UNC5D: variants seen among roughly 807,000 people sequenced by gnomAD.
UNC5D encodes the protein unc-5 netrin receptor D, also known as netrin receptor UNC5D.
A neutral mutation model predicts 105.4 loss-of-function variants in UNC5D; 39 were observed. The ratio of observed to expected loss-of-function variants is 0.37; its 90% CI spans 0.29 to 0.48. The LOEUF is 0.48. Ranked by LOEUF, UNC5D falls within the 20% of genes least tolerant of loss-of-function variation. UNC5D has a pLI of 0.98. For synonymous variants in UNC5D, 452 were observed against 450.4 expected (o/e 1.00, Z -0.04); for missense variants, 991 against 1,202.4 (o/e 0.82, Z 2.60).
At chr8:35,305,811 TTCTC>T (rs1398737726) in intron 1 of UNC5D, among the ~76,000 whole-genome samples, 1 of 149,876 alleles carries the variant, frequency 6.7e-6, no homozygotes, top group Non-Finnish European at 1.5e-5. Flanking sequence ...TTTTCTTTCT[TTCTC>T]TCTTTTTCTT....
intron 1 of UNC5D, among the ~76,000 whole-genome samples, chr8:35,477,892 C>A (rs1810225971): frequency 6.6e-6 from 1 of 151,950 alleles, no homozygotes; most frequent in African/African-American, 2.4e-5. Flanking sequence ...TTTCTCAAAG[C>A]TACTGGTTAA....
chr8:35,384,151 C>A (rs542891685), intron 1 of UNC5D, among the ~76,000 whole-genome samples: 1 of 148,294 alleles, frequency 6.7e-6, no homozygotes, highest in Non-Finnish European at 1.5e-5. Flanking sequence ...ACCTGTGAGG[C>A]GGAGTTGCAG....
At chr8:35,236,715 G>A (rs1217083040) in intron 1 of UNC5D, among the ~76,000 whole-genome samples, 1 of 152,218 alleles carries the variant, frequency 6.6e-6, no homozygotes, top group Non-Finnish European at 1.5e-5. Flanking sequence ...AGGACAGGCA[G>A]CATCAAGTTA....
At chr8:35,644,553 C>T (rs1003017214) in intron 4 of UNC5D, among the ~76,000 whole-genome samples, 2 of 152,056 alleles carry the variant, frequency 1.3e-5, no homozygotes, top group Non-Finnish European at 1.5e-5. Context: ...AATCTAGCAC[C>T]ATTTTGATCA....
intron 6 of UNC5D, among the ~76,000 whole-genome samples, chr8:35,686,322 T>C (rs1278598809): frequency 6.6e-6 from 1 of 152,182 alleles, no homozygotes; most frequent in Admixed American, 6.5e-5. Flanking sequence ...AATTTGGTAA[T>C]TGGTCTCATC....
At chr8:35,788,331 A>T (rs1444737020) in intron 16 of UNC5D, among the ~76,000 whole-genome samples, 1 of 152,084 alleles carries the variant, frequency 6.6e-6, no homozygotes, top group Non-Finnish European at 1.5e-5. Flanking sequence ...GGAAAGTAAT[A>T]CCATCCTCAA....
At chr8:35,427,422 G>C (rs1806327181) in intron 1 of UNC5D, among the ~76,000 whole-genome samples, 2 of 152,176 alleles carry the variant, frequency 1.3e-5, no homozygotes, top group Non-Finnish European at 2.9e-5. Flanking sequence ...TTTTCAGACT[G>C]CCGCTGTATG....
intron 4 of UNC5D, among the ~76,000 whole-genome samples, chr8:35,647,376 G>A (rs1823116225): frequency 7.6e-6 from 1 of 130,786 alleles, no homozygotes; most frequent in African/African-American, 2.9e-5. Context: ...CTGATTTGGA[G>A]CTCCTGTGTA....
chr8:35,253,101 A>G (rs1259528520), intron 1 of UNC5D, among the ~76,000 whole-genome samples: 1 of 151,492 alleles, frequency 6.6e-6, no homozygotes, highest in Admixed American at 6.6e-5. Context: ...TGAGCAAGCT[A>G]GTCTGTGTGT....
At chr8:35,499,145 TCTAG>T (rs2130216472) in intron 1 of UNC5D, among the ~76,000 whole-genome samples, 1 of 152,336 alleles carries the variant, frequency 6.6e-6, no homozygotes, top group African/African-American at 2.4e-5. Flanking sequence ...GAAATGTTTC[TCTAG>T]CTAAGAATAA....
chr8:35,426,008 A>G (rs543364208), intron 1 of UNC5D, among the ~76,000 whole-genome samples: 16 of 152,278 alleles, frequency 1.1e-4, no homozygotes, highest in African/African-American at 3.6e-4. Flanking sequence ...GCCATGAACG[A>G]CAGAAATTTA....
chr8:35,604,504 A>G (rs1302418776), intron 4 of UNC5D, among the ~76,000 whole-genome samples: 2 of 152,066 alleles, frequency 1.3e-5, no homozygotes, highest in Admixed American at 6.5e-5. Context: ...ACTTTGGTGA[A>G]TCTGACAATT....
At chr8:35,424,728 C>G (rs77170491) in intron 1 of UNC5D, among the ~76,000 whole-genome samples, 32 of 152,294 alleles carry the variant, frequency 2.1e-4, no homozygotes, top group Middle Eastern at 3.4e-3. Context: ...GACTCATGCC[C>G]CTGCAACCTG....
At chr8:35,237,888 G>A (rs1330876953) in intron 1 of UNC5D, among the ~76,000 whole-genome samples, 1 of 152,106 alleles carries the variant, frequency 6.6e-6, no homozygotes, top group African/African-American at 2.4e-5. Context: ...GGGTGTAATT[G>A]GAGTTTTCAG....
chr8:35,748,559 G>A lies in UNC5D; in HGVS notation c.1799G>A (p.Ser600Asn). The A allele has an allele frequency of 1.2e-6, 2 of 1,614,002 alleles. No homozygotes were observed. The highest frequency in any genetic ancestry group is 1.7e-6 in the Non-Finnish European group (2 of 1,179,936). ...TCAGATGGCTCTGAGGTGCTCCTGA[G>A]TCCTGAAGTCACCTGTGGTCCTCCA... ...LQSDGSEVLL[S>N]PEVTCGPPDM... The change falls in exon 12 of 17, where the codon AGT becomes AAT. Residue 600 changes from serine to asparagine, a missense_variant. Around this residue, in one of 3 missense-constraint regions of UNC5D, gnomAD observed 944 missense variants for 1,131.6 expected, o/e 0.83. Transcript: ENST00000404895.
chr8:35,380,795 A>C (rs1802997044), intron 1 of UNC5D, among the ~76,000 whole-genome samples: 1 of 152,204 alleles, frequency 6.6e-6, no homozygotes, highest in Non-Finnish European at 1.5e-5. Flanking sequence ...ACTGATCACT[A>C]TGTACGCATT....
chr8:35,286,655 T>C (rs1200899676), intron 1 of UNC5D, among the ~76,000 whole-genome samples: 1 of 152,136 alleles, frequency 6.6e-6, no homozygotes, highest in Non-Finnish European at 1.5e-5. Flanking sequence ...TCATTATGTC[T>C]TCCCCAAACC....
Position 35,792,411 on chromosome 8 carries a change from C to T in UNC5D, c.*1848C>T, listed in dbSNP as rs945060281. On this transcript the variant is annotated 3_prime_UTR_variant, in exon 17 of 17. Transcript: ENST00000404895. ...AAAGCATCTCGCTTTTCTCAGGAACCAAAGGCTTATGATGTAGGACAAAGA... is the reference window on the plus strand; with the variant it reads ...AAAGCATCTCGCTTTTCTCAGGAACTAAAGGCTTATGATGTAGGACAAAGA... 2.0e-5 allele frequency: 3 copies of T among 152,290 alleles called. No homozygotes were observed. Among genetic ancestry groups the T allele is most frequent in the African/African-American group, 7.2e-5 (3 of 41,406 alleles). The allele number at this position is 152,290 out of a possible 1,614,324, so 9.4% of individuals were successfully genotyped here. A position where few individuals can be genotyped will look rare whatever the true frequency, so the allele number is the denominator to read the frequency against.
chr8:35,574,435 A>T (rs1817956568), intron 3 of UNC5D, among the ~76,000 whole-genome samples: 1 of 152,248 alleles, frequency 6.6e-6, no homozygotes, highest in Non-Finnish European at 1.5e-5. Context: ...CTGCTGATTT[A>T]AGACACCCCT....
Sources: allele counts gnomAD v4.1 joint callset (sites outside exome capture counted in the v4.1 genomes callset), GRCh38; gene constraint gnomAD v4.1.1; regional missense constraint gnomAD v4.1.1; transcripts MANE v1.5; gene names NCBI Gene and HGNC (gene_info 2026-07-23, HGNC 2026-07-21).